Variants in MAP2 observed in about 807,000 individuals in gnomAD.
MAP2 encodes the protein microtubule-associated protein 2.
Under a neutral mutation model 137.6 loss-of-function variants are expected in MAP2, and 14 were observed. The observed-to-expected ratio is 0.10, with a 90% CI of 0.07 to 0.16. MAP2 has a LOEUF of 0.16. MAP2 is among the 10% of genes least tolerant of loss of function. MAP2 has a pLI of 1.00. For missense variants in MAP2, 2,088 were observed against 2,191.5 expected, an observed-to-expected ratio of 0.95 and a Z score of 0.94; for synonymous variants, 786 against 782.3, an observed-to-expected ratio of 1.00 and a Z score of -0.08.
At chr2:209,487,317 CT>C (rs1173181043) in intron 1 of MAP2, among the ~76,000 whole-genome samples, 1 of 152,106 alleles carries the variant, frequency 6.6e-6, no homozygotes, top group African/African-American at 2.4e-5. Context: ...GAAATTAGAG[CT>C]TTGGGGAACA....
In MAP2 at chr2:209,621,257, A is replaced by ATTTTTTTTTTT. The variant is rs1186032597; in HGVS notation, c.-106-3787_-106-3777dup. 5.2e-3 allele frequency among the ~76,000 whole-genome samples: 654 copies of ATTTTTTTTTTT among 125,056 alleles called. 15 individuals are homozygous for ATTTTTTTTTTT. Among genetic ancestry groups the ATTTTTTTTTTT allele is most frequent in the South Asian group, 0.028 (91 of 3,266 alleles). The allele number at this position is 125,056 out of a possible 152,430, so 82.0% of individuals were successfully genotyped here. ...GATTCCAGCAACTTCAGGCATCTTG[A>ATTTTTTTTTTT]TTTTTTTTTTTTTTTTTTTGAGAGA... On this transcript the variant is annotated intron_variant, in intron 3 of 15. Coordinates refer to ENST00000682079, the MANE Select transcript of MAP2 (RefSeq NM_001375505.1).
chr2:209,528,838 G>A (rs899480883), intron 2 of MAP2, among the ~76,000 whole-genome samples: 10 of 145,040 alleles, frequency 6.9e-5, no homozygotes, highest in African/African-American at 7.7e-5. Context: ...ACATATGTAT[G>A]TATATATATG....
chr2:209,440,951 A>G (rs1347654475), intron 1 of MAP2, among the ~76,000 whole-genome samples: 1 of 151,556 alleles, frequency 6.6e-6, no homozygotes, highest in African/African-American at 2.4e-5. Context: ...TCATATCACT[A>G]ATTTACATTT....
chr2:209,678,165 A>G (rs2052813657), intron 5 of MAP2, among the ~76,000 whole-genome samples: 1 of 152,066 alleles, frequency 6.6e-6, no homozygotes, highest in Non-Finnish European at 1.5e-5. Context: ...AACAGCTTTT[A>G]CAAAATAAAG....
chr2:209,656,520 TAATA>T (rs957991080), intron 5 of MAP2, among the ~76,000 whole-genome samples: 5 of 151,644 alleles, frequency 3.3e-5, no homozygotes, highest in Non-Finnish European at 7.4e-5. Flanking sequence ...AAAAAAAAAA[TAATA>T]ATAATAATCT....
chr2:209,579,342 TG>T (rs1278574131), intron 2 of MAP2: 1 of 152,204 alleles, frequency 6.6e-6, no homozygotes, highest in Non-Finnish European at 1.5e-5. Flanking sequence ...ATTCATAGGC[TG>T]ATAGACTCGA....
At chr2:209,627,579 A>G (rs967068038) in intron 4 of MAP2, among the ~76,000 whole-genome samples, 2 of 152,160 alleles carry the variant, frequency 1.3e-5, no homozygotes, top group Admixed American at 6.5e-5. Flanking sequence ...ATTCAAACTC[A>G]TCCCTTTCAG....
chr2:209,648,887 G>GT (rs2094592000), intron 4 of MAP2, among the ~76,000 whole-genome samples: 1 of 152,000 alleles, frequency 6.6e-6, no homozygotes, highest in Non-Finnish European at 1.5e-5. Context: ...CTGTTTGGCA[G>GT]TTAGGAGCAG....
At chr2:209,621,459 A>T (rs1037815817) in intron 3 of MAP2, among the ~76,000 whole-genome samples, 1 of 151,596 alleles carries the variant, frequency 6.6e-6, no homozygotes, top group South Asian at 2.1e-4. Flanking sequence ...GGGTTTTGCC[A>T]TGTTGGCCAG....
intron 3 of MAP2, among the ~76,000 whole-genome samples, chr2:209,595,254 A>G (rs1435139972): frequency 6.6e-6 from 1 of 152,188 alleles, no homozygotes; most frequent in East Asian, 1.9e-4. Flanking sequence ...TGTCTTGGCA[A>G]TATTAAGAAT....
chr2:209,549,447 A>G (rs2068728659), intron 2 of MAP2, among the ~76,000 whole-genome samples: 1 of 152,186 alleles, frequency 6.6e-6, no homozygotes, highest in African/African-American at 2.4e-5. Flanking sequence ...GTTTATTGAA[A>G]TCCTCTCTAG....
chr2:209,432,342 G>C (rs1694517407), intron 1 of MAP2, among the ~76,000 whole-genome samples: 1 of 152,014 alleles, frequency 6.6e-6, no homozygotes, highest in South Asian at 2.1e-4. Flanking sequence ...GGTTGTTGTT[G>C]TTGTTTTGCT....
intron 10 of MAP2, 138 bp downstream of exon 10, chr2:209,697,189 T>G (rs909534770): frequency 2.6e-6 from 2 of 781,686 alleles, no homozygotes; most frequent in Non-Finnish European, 3.9e-6. Flanking sequence ...CTATTAAGTG[T>G]CTTGTATCAT....
chr2:209,524,196 A>G (rs1246046931), intron 2 of MAP2, among the ~76,000 whole-genome samples: 1 of 152,196 alleles, frequency 6.6e-6, no homozygotes, highest in Non-Finnish European at 1.5e-5. Flanking sequence ...GCATAAAGGC[A>G]TTCATTTTGA....
At chr2:209,520,159 T>C (rs143185228) in intron 2 of MAP2, among the ~76,000 whole-genome samples, 1 of 152,032 alleles carries the variant, frequency 6.6e-6, no homozygotes, top group East Asian at 1.9e-4. Context: ...CCCTAATTAC[T>C]GCAATTATGA....
At chr2:209,451,609 T>C (rs1170553984) in intron 1 of MAP2, among the ~76,000 whole-genome samples, 1 of 152,200 alleles carries the variant, frequency 6.6e-6, no homozygotes, top group African/African-American at 2.4e-5. Context: ...ACCTTATCCG[T>C]AGCTCTTTAT....
chr2:209,505,441 T>A (rs1188663435), intron 1 of MAP2, among the ~76,000 whole-genome samples: 3 of 152,190 alleles, frequency 2.0e-5, no homozygotes, highest in Admixed American at 2.0e-4. Flanking sequence ...TCATTCTTAT[T>A]TCCTTTAATT....
At chr2:209,492,372 A>G (rs950687778) in intron 1 of MAP2, among the ~76,000 whole-genome samples, 2 of 152,196 alleles carry the variant, frequency 1.3e-5, no homozygotes, top group Non-Finnish European at 2.9e-5. Flanking sequence ...CCATTTGAAA[A>G]CTGGCACAAG....
intron 1 of MAP2, among the ~76,000 whole-genome samples, chr2:209,490,885 G>A (rs1001593998): frequency 3.3e-5 from 5 of 151,980 alleles, no homozygotes; most frequent in Admixed American, 6.6e-5. Flanking sequence ...AAATAAGACC[G>A]ATCAAGGAGA....
Sources: gnomAD v4.1 joint callset for allele counts (sites outside exome capture counted in the v4.1 genomes callset) on GRCh38, gnomAD v4.1.1 for gene constraint, MANE v1.5 for transcripts, NCBI Gene and HGNC (gene_info 2026-07-23, HGNC 2026-07-21) for gene names.